Variants in KCNIP4 observed in about 807,000 individuals in gnomAD.
The protein encoded by KCNIP4 is potassium voltage-gated channel interacting protein 4, also known as Kv channel-interacting protein 4.
A neutral mutation model predicts 34.0 loss-of-function variants in KCNIP4; 12 were observed. The observed-to-expected ratio is 0.35, with a 90% CI of 0.23 to 0.57. The LOEUF is 0.57. KCNIP4 is among the 20% of genes least tolerant of loss of function. KCNIP4 has a pLI of 0.83. For synonymous variants in KCNIP4, 124 were observed against 102.2 expected (o/e 1.21, Z -1.29); for missense variants, 238 against 311.7 (o/e 0.76, Z 1.78).
rs147340042 is a variant in KCNIP4 at position 20,858,405 on chromosome 4, T to C, written c.164-7738A>G. 8.7e-4 allele frequency among the ~76,000 whole-genome samples: 132 copies of C among 152,174 alleles called. 1 individual carries two copies. Among genetic ancestry groups the C allele is most frequent in the African/African-American group, 3.0e-3 (125 of 41,522 alleles). ...CCACCCAGTCTGTGGCATTGTGTTATGGCAGCCCTAGCAAACTAATATATC... is the reference window on the plus strand; with the variant it reads ...CCACCCAGTCTGTGGCATTGTGTTACGGCAGCCCTAGCAAACTAATATATC... On this transcript the variant is annotated intron_variant, in intron 2 of 8. Transcript: ENST00000382152.
rs148392379 is a variant in KCNIP4 at position 21,855,083 on chromosome 4, G to A, written c.61+93488C>T. Among the ~76,000 whole-genome samples the A allele has an allele frequency of 1.2e-4, 18 of 152,202 alleles. No individual in the cohort carries two copies. In the East Asian group the frequency reaches 3.5e-3, roughly 29 times the overall value. On this transcript the variant is annotated intron_variant, in intron 1 of 8. Transcript: ENST00000382152. ...GACAGATACTCCCAGGATTTTAAAGGTCATTTAAACATCGTCTTTAAGCAA... is the reference window on the plus strand; with the variant it reads ...GACAGATACTCCCAGGATTTTAAAGATCATTTAAACATCGTCTTTAAGCAA...
At chr4:21,106,180 C>T (rs1276688547) in intron 1 of KCNIP4, among the ~76,000 whole-genome samples, 3 of 151,116 alleles carry the variant, frequency 2.0e-5, no homozygotes, top group Non-Finnish European at 4.4e-5. Flanking sequence ...GGTACCAGTT[C>T]CTCCTTGTGC....
intron 1 of KCNIP4, among the ~76,000 whole-genome samples, chr4:21,801,602 T>TTTA (rs778035819): frequency 2.3e-4 from 35 of 151,112 alleles, no homozygotes; most frequent in Non-Finnish European, 5.2e-4. Context: ...ACTTATTTAT[T>TTTA]TTATTATTAT....
chr4:21,590,826 C>G (rs547439538), intron 1 of KCNIP4, among the ~76,000 whole-genome samples: 2 of 152,014 alleles, frequency 1.3e-5, no homozygotes, highest in Middle Eastern at 6.8e-3. Flanking sequence ...ATAGACAAAA[C>G]TGATCCTCTC....
Position 21,818,121 on chromosome 4 carries a change from C to T in KCNIP4, c.61+130450G>A, listed in dbSNP as rs189439443. On this transcript the variant is annotated intron_variant, in intron 1 of 8. Coordinates refer to ENST00000382152, the MANE Select transcript of KCNIP4 (RefSeq NM_025221.6). ...GCTCAGGCAGGCATCATGGTCCTAC[C>T]GATATGTGATGTCACCCCCAGCAGC... is the stretch of plus-strand genomic sequence containing the variant. Among the ~76,000 whole-genome samples, 131 of 152,220 alleles carry T rather than the reference C, an allele frequency of 8.6e-4. 1 individual carries two copies. Among genetic ancestry groups the T allele is most frequent in the Non-Finnish European group, 1.3e-3 (87 of 68,000 alleles).
At chr4:21,080,788 A>G (rs963146621) in intron 1 of KCNIP4, among the ~76,000 whole-genome samples, 2 of 151,872 alleles carry the variant, frequency 1.3e-5, no homozygotes, top group African/African-American at 4.9e-5. Context: ...TAGGTGTTCA[A>G]TAAACATATT....
intron 3 of KCNIP4, among the ~76,000 whole-genome samples, chr4:20,767,793 T>TA (rs1188283272): frequency 2.0e-5 from 3 of 151,890 alleles, no homozygotes; most frequent in Non-Finnish European, 2.9e-5. Context: ...TCTTCAGGAT[T>TA]AAAAAAAAGA....
chr4:20,914,192 G>T (rs1389623919), intron 1 of KCNIP4, among the ~76,000 whole-genome samples: 1 of 151,876 alleles, frequency 6.6e-6, no homozygotes, highest in African/African-American at 2.4e-5. Context: ...ACAGTACCAG[G>T]CATTCAATAA....
In KCNIP4 at chr4:21,137,871, C is replaced by CTTTTTTTTTTTTTTT. The variant is rs144440285; in HGVS notation, c.62-255163_62-255162insAAAAAAAAAAAAAAA. On this transcript the variant is annotated intron_variant, in intron 1 of 8. Coordinates refer to ENST00000382152, the MANE Select transcript of KCNIP4 (RefSeq NM_025221.6). ...ATGAAGGCTTTTTCCCTTACACAGG[C>CTTTTTTTTTTTTTTT]TTTTTTGTTTTTTTTTTTTTGATGG... Among the ~76,000 whole-genome samples, 14 of 118,168 alleles carry CTTTTTTTTTTTTTTT rather than the reference C, an allele frequency of 1.2e-4. 1 individual carries two copies. Among genetic ancestry groups the CTTTTTTTTTTTTTTT allele is most frequent in the Non-Finnish European group, 1.8e-4 (11 of 59,710 alleles). The allele number at this position is 118,168 out of a possible 152,430, so 77.5% of individuals were successfully genotyped here. A position where few individuals can be genotyped will look rare whatever the true frequency, so the allele number is the denominator to read the frequency against.
intron 1 of KCNIP4, chr4:21,315,281 T>G (rs561641840): frequency 1.3e-5 from 2 of 158,518 alleles, no homozygotes; most frequent in Non-Finnish European, 1.4e-5. Context: ...CTCAGCCTAC[T>G]CAATGTGAAG....
chr4:21,888,732 G>C (rs1726927098), intron 1 of KCNIP4, among the ~76,000 whole-genome samples: 1 of 152,006 alleles, frequency 6.6e-6, no homozygotes, highest in Non-Finnish European at 1.5e-5. Context: ...TTCTGCTCCT[G>C]CTCAGAGCTG....
intron 1 of KCNIP4, among the ~76,000 whole-genome samples, chr4:20,944,420 A>T (rs778803805): frequency 2.0e-5 from 3 of 152,232 alleles, no homozygotes; most frequent in Non-Finnish European, 4.4e-5. Flanking sequence ...GCAATCAGCT[A>T]TGATTACACA....
At chr4:21,710,978 T>A (rs541636733) in intron 1 of KCNIP4, among the ~76,000 whole-genome samples, 76 of 152,314 alleles carry the variant, frequency 5.0e-4, no homozygotes, top group South Asian at 1.9e-3. Flanking sequence ...TATAAAGCTT[T>A]ATTTTTTCTA....
intron 1 of KCNIP4, among the ~76,000 whole-genome samples, chr4:21,321,942 G>C (rs1220480181): frequency 7.0e-6 from 1 of 143,744 alleles, no homozygotes; most frequent in Admixed American, 7.0e-5. Context: ...GAAGGAGGGA[G>C]GGAGGGAGAG....
rs367647580 is a variant in KCNIP4, at chr4:21,757,235, G to T, written c.61+191336C>A. On this transcript the variant is annotated intron_variant, in intron 1 of 8. Transcript: ENST00000382152. ...AGAAAGAAAGAAAGAAAGAAAGAAA[G>T]AAAGAAAGAAAGAAAAGAAAAGAAA... is the stretch of plus-strand genomic sequence containing the variant. 1.0e-3 allele frequency among the ~76,000 whole-genome samples: 29 copies of T among 28,454 alleles called. 1 individual carries two copies. Among genetic ancestry groups the T allele is most frequent in the African/African-American group, 1.7e-3 (6 of 3,622 alleles). The allele number at this position is 28,454 out of a possible 152,430, so 18.7% of individuals were successfully genotyped here.
chr4:21,755,251 T>C lies in KCNIP4; in HGVS notation c.61+193320A>G, dbSNP rs1717426789. 2.6e-5 allele frequency among the ~76,000 whole-genome samples: 4 copies of C among 152,128 alleles called. 1 individual carries two copies. The South Asian group carries it at 8.3e-4, about 31-fold the overall frequency. The stretch of plus-strand genomic sequence containing the variant: ...CACCTTCTCAACCTCAACTTTCATA[T>C]CTATAAGGTAGGGCTGAGGCCTACC... On this transcript the variant is annotated intron_variant, in intron 1 of 8. Coordinates refer to ENST00000382152, the MANE Select transcript of KCNIP4 (RefSeq NM_025221.6).
At chr4:21,304,224 A>C (rs1288149040) in intron 1 of KCNIP4, among the ~76,000 whole-genome samples, 1 of 152,206 alleles carries the variant, frequency 6.6e-6, no homozygotes, top group East Asian at 1.9e-4. Flanking sequence ...GCTGTAGCAG[A>C]GGCCAGAAGT....
intron 1 of KCNIP4, among the ~76,000 whole-genome samples, chr4:21,927,575 C>T (rs1476074962): frequency 6.6e-6 from 1 of 152,138 alleles, no homozygotes; most frequent in Non-Finnish European, 1.5e-5. Flanking sequence ...CATGAATGGC[C>T]ATAACCCACC....
chr4:21,314,079 C>T (rs903579570), intron 1 of KCNIP4, among the ~76,000 whole-genome samples: 11 of 152,162 alleles, frequency 7.2e-5, no homozygotes, highest in Non-Finnish European at 1.5e-4. Context: ...AGTTTTATGA[C>T]TGAGTTCCCC....
Sources: gnomAD v4.1 joint callset for allele counts (sites outside exome capture counted in the v4.1 genomes callset) on GRCh38, gnomAD v4.1.1 for gene constraint, MANE v1.5 for transcripts, NCBI Gene and HGNC (gene_info 2026-07-23, HGNC 2026-07-21) for gene names.